Variants in CDH8 observed in about 807,000 individuals in gnomAD.
CDH8 encodes cadherin-8.
Under a neutral mutation model 68.1 loss-of-function variants are expected in CDH8, and 17 were observed. The ratio of observed to expected loss-of-function variants is 0.25; its 90% CI spans 0.17 to 0.37. The LOEUF is 0.37. Among genes scored for constraint, CDH8 ranks in the 10% least tolerant of loss-of-function variants. The pLI, the probability that CDH8 is intolerant of heterozygous loss-of-function variation, is 1.00. For synonymous variants in CDH8, 372 were observed against 365.1 expected (o/e 1.02, Z -0.21); for missense variants, 763 against 999.3 (o/e 0.76, Z 3.19).
rs1430292060 is a variant in CDH8, at chr16:61,996,385, A to G, written c.252+24767T>C. On this transcript the variant is annotated intron_variant, in intron 2 of 11. Transcript: ENST00000577390. ...TGAATGCAACTAAAAATTATTCCCA[A>G]CCTCTAACCAGGTGAAGCAAATTCA... Among the ~76,000 whole-genome samples, 5 of 152,282 alleles carry G rather than the reference A, an allele frequency of 3.3e-5. No individual in the cohort carries two copies. In the East Asian group the frequency reaches 7.7e-4, roughly 24 times the overall value.
At chr16:61,702,488 C>A (rs1224371613) in intron 10 of CDH8, among the ~76,000 whole-genome samples, 3 of 152,064 alleles carry the variant, frequency 2.0e-5, no homozygotes, top group African/African-American at 7.2e-5. Flanking sequence ...TACATAGAGT[C>A]AAAAATAATG....
rs987821696 is a variant in CDH8 at position 61,970,788 on chromosome 16, T to C, written c.252+50364A>G. On this transcript the variant is annotated intron_variant, in intron 2 of 11. Transcript: ENST00000577390. ...CTGAGTCCCACAAGACTGGCCCCTG[T>C]CAGGCCTCTGAGCCCAAGCCAAGCC... Among the ~76,000 whole-genome samples, 11 of 152,368 alleles carry C rather than the reference T, an allele frequency of 7.2e-5. No individual in the cohort carries two copies. In the East Asian group the frequency reaches 1.4e-3, roughly 19 times the overall value.
rs567021784 is a variant in CDH8 at position 61,708,773 on chromosome 16, T to C, written c.1654+5068A>G. Among the ~76,000 whole-genome samples, 6 of 152,340 alleles carry C rather than the reference T, an allele frequency of 3.9e-5. No homozygotes were observed. In the East Asian group the frequency reaches 1.2e-3, roughly 29 times the overall value. On this transcript the variant is annotated intron_variant, in intron 10 of 11. Coordinates refer to ENST00000577390, the MANE Select transcript of CDH8 (RefSeq NM_001796.5). ...GAATCGGAAGCCTTTTTGGATCATA[T>C]ATGCATAGTGCTGTTCTCCGTATCT...
chr16:61,985,300 A>C (rs1324282549), intron 2 of CDH8, among the ~76,000 whole-genome samples: 2 of 152,180 alleles, frequency 1.3e-5, no homozygotes, highest in Admixed American at 6.5e-5. Flanking sequence ...ACATATGTCA[A>C]AGAAAATTTA....
intron 2 of CDH8, 24 bp from the exon 3 acceptor site, chr16:61,901,497 T>C (rs1176363733): frequency 1.3e-6 from 2 of 1,579,726 alleles, no homozygotes; most frequent in South Asian, 2.3e-5. Context: ...TGGCATTAGT[T>C]AGTGATGGAG....
chr16:61,934,099 C>G (rs1377303160), intron 2 of CDH8: 1 of 152,010 alleles, frequency 6.6e-6, no homozygotes, highest in Non-Finnish European at 1.5e-5. Context: ...TTGCCTCATC[C>G]CACACCTTAC....
At chr16:61,976,012 CA>C (rs1466756108) in intron 2 of CDH8, among the ~76,000 whole-genome samples, 1 of 152,092 alleles carries the variant, frequency 6.6e-6, no homozygotes, top group Non-Finnish European at 1.5e-5. Flanking sequence ...TTAACAAATG[CA>C]GACAAGAACT....
intron 2 of CDH8, among the ~76,000 whole-genome samples, chr16:61,975,606 ATT>A (rs1483256856): frequency 6.6e-6 from 1 of 152,188 alleles, no homozygotes; most frequent in African/African-American, 2.4e-5. Flanking sequence ...AAAATCTATC[ATT>A]TGTTTGATAT....
chr16:61,668,976 G>A (rs1024886230), intron 10 of CDH8, among the ~76,000 whole-genome samples: 3 of 152,004 alleles, frequency 2.0e-5, no homozygotes, highest in African/African-American at 7.2e-5. Context: ...AGTACACAGT[G>A]TTTTCAAAAT....
intron 2 of CDH8, among the ~76,000 whole-genome samples, chr16:61,934,541 T>C (rs1964597561): frequency 6.6e-6 from 1 of 152,202 alleles, no homozygotes; most frequent in African/African-American, 2.4e-5. Flanking sequence ...AATTTACTTA[T>C]TTTATTACAG....
At chr16:61,803,958 C>T (rs1308350765) in intron 7 of CDH8, among the ~76,000 whole-genome samples, 1 of 129,598 alleles carries the variant, frequency 7.7e-6, no homozygotes, top group African/African-American at 3.2e-5. Flanking sequence ...CAGCTCTGCA[C>T]CAAGCGGACC....
intron 4 of CDH8, among the ~76,000 whole-genome samples, chr16:61,828,652 T>C (rs1306783640): frequency 6.6e-6 from 1 of 151,902 alleles, no homozygotes; most frequent in Non-Finnish European, 1.5e-5. Context: ...TGGACCCTCA[T>C]AGGTTAAACC....
intron 2 of CDH8, among the ~76,000 whole-genome samples, chr16:62,007,798 T>C (rs1901709230): frequency 6.6e-6 from 1 of 152,084 alleles, no homozygotes; most frequent in Non-Finnish European, 1.5e-5. Flanking sequence ...CCTACTCTCT[T>C]TCCTTCCCTC....
intron 8 of CDH8, among the ~76,000 whole-genome samples, chr16:61,729,458 T>C (rs1319568658): frequency 2.0e-5 from 3 of 151,236 alleles, no homozygotes; most frequent in Non-Finnish European, 4.4e-5. Context: ...ATGAAGAGTT[T>C]CAGAATTGCA....
chr16:62,010,873 G>A (rs993071291), intron 2 of CDH8, among the ~76,000 whole-genome samples: 1 of 151,670 alleles, frequency 6.6e-6, no homozygotes, highest in Non-Finnish European at 1.5e-5. Flanking sequence ...AACCCGGGAG[G>A]TGGAGGTTTT....
intron 8 of CDH8, among the ~76,000 whole-genome samples, chr16:61,788,561 T>G (rs1172690607): frequency 6.6e-6 from 1 of 152,064 alleles, no homozygotes; most frequent in African/African-American, 2.4e-5. Context: ...CCCTTTTCCA[T>G]TTTTTGTATA....
intron 4 of CDH8, among the ~76,000 whole-genome samples, chr16:61,835,872 G>A (rs115190464): frequency 6.6e-6 from 1 of 151,980 alleles, no homozygotes; most frequent in South Asian, 2.1e-4. Flanking sequence ...GAGAGAATGG[G>A]GCACTGGCCT....
At chr16:61,750,087 A>G (rs1960120240) in intron 8 of CDH8, among the ~76,000 whole-genome samples, 1 of 151,978 alleles carries the variant, frequency 6.6e-6, no homozygotes, top group Non-Finnish European at 1.5e-5. Flanking sequence ...AGTAGTCGTC[A>G]GTGTCTACTT....
At chr16:61,932,552 G>A (rs1964561671) in intron 2 of CDH8, among the ~76,000 whole-genome samples, 1 of 152,116 alleles carries the variant, frequency 6.6e-6, no homozygotes, top group Admixed American at 6.5e-5. Flanking sequence ...CAGGCATACA[G>A]TAAAACAATA....
Sources: gnomAD v4.1 joint callset for allele counts (sites outside exome capture counted in the v4.1 genomes callset) on GRCh38, gnomAD v4.1.1 for gene constraint, MANE v1.5 for transcripts, NCBI Gene and HGNC (gene_info 2026-07-23, HGNC 2026-07-21) for gene names.